H2BW2: variants seen among roughly 807,000 people sequenced by gnomAD.
The protein encoded by H2BW2 is histone H2B type F-M.
Under a neutral mutation model 9.2 loss-of-function variants are expected in H2BW2, and 8 were observed. The ratio of observed to expected loss-of-function variants is 0.87; its 90% CI spans 0.51 to 1.57. H2BW2 has a LOEUF of 1.57. Among genes scored for constraint, H2BW2 ranks in the 40% most tolerant of loss-of-function variants. H2BW2 has a pLI of 0.00. For synonymous variants in H2BW2, 80 were observed against 56.8 expected, an observed-to-expected ratio of 1.41 and a Z score of -1.84; for missense variants, 193 against 137.3, an observed-to-expected ratio of 1.41 and a Z score of -2.03.
In H2BW2 at chrX:104,040,280, C is replaced by G; in HGVS notation, c.286C>G (p.Gln96Glu). 1 of 1,196,820 alleles carries G rather than the reference C, an allele frequency of 8.4e-7. No individual in the cohort carries two copies. Among genetic ancestry groups the G allele is most frequent in the Non-Finnish European group, 1.1e-6 (1 of 887,905 alleles). ...GGACCGCATCGCCACCGAGGCTGGT[C>G]AGCTGGCCCATTACACCAAGCGCGT... ...ILDRIATEAGQLAHYTKRVTI... is the reference protein window; with the variant it reads ...ILDRIATEAGELAHYTKRVTI... Residue 96 changes from glutamine (Q) to glutamate (E), a missense_variant, in exon 1 of 4, where the codon CAG (glutamine) becomes GAG (glutamate). Physicochemically the swap from Gln to Glu is conservative, Grantham distance 29. Coordinates refer to ENST00000675318, the MANE Select transcript of H2BW2 (RefSeq NM_001388464.1).
chrX:104,040,132 TGGGGACAGCTTC>T lies in H2BW2; in HGVS notation c.151_162del (p.Gly51_Phe54del), dbSNP rs781810435. ...CCCGCAGGCGCCACGCCAACCGCCG[TGGGGACAGCTTC>T]GGGGACAGCTTCACCCCCTATTTCC... On this transcript the variant is annotated inframe_deletion, in exon 1 of 4. Transcript: ENST00000675318. The T allele has an allele frequency of 4.8e-4, 562 of 1,176,461 alleles. 1 individual carries two copies. In the African/African-American group the frequency reaches 8.6e-3, roughly 18 times the overall value.
At position 104,040,336 on chromosome X, in the gene H2BW2, C is replaced by G; in HGVS notation, c.342C>G (p.Ala114=). The stretch of plus-strand genomic sequence containing the variant: ...TCACCTCCCGGGACATCCAGATGGC[C>G]GTGCGACTGCTGCTGCCGGGGAAGA... ...VTITSRDIQM[A]VRLLLPGKMG... The change falls in exon 1 of 4, where the codon GCC becomes GCG. Residue 114 remains alanine, a synonymous_variant. Transcript: ENST00000675318. 8.4e-7 allele frequency: 1 copy of G among 1,190,648 alleles called. No individual in the cohort carries two copies. The highest frequency in any genetic ancestry group is 2.3e-4 in the Middle Eastern group (1 of 4,311).
Position 104,040,044 on chromosome X carries a change from A to G in H2BW2, c.50A>G (p.Gln17Arg). Residue 17 changes from glutamine (Q) to arginine (R), a missense_variant, in exon 1 of 4, where the codon CAG becomes CGG. Gln to Arg is a conservative substitution (Grantham distance 43, BLOSUM62 1). Coordinates refer to ENST00000675318, the MANE Select transcript of H2BW2 (RefSeq NM_001388464.1). ...ACCTCGGAGGAAGGCCAGAGCATCC[A>G]GGAGCCCAAAGAGGCCAACTCCACG... is the stretch of plus-strand genomic sequence containing the variant. ...ETTSEEGQSI[Q>R]EPKEANSTKA... The G allele has an allele frequency of 8.6e-7, 1 of 1,167,017 alleles. No homozygotes were observed. Among genetic ancestry groups the G allele is most frequent in the Non-Finnish European group, 1.1e-6 (1 of 872,818 alleles).
In H2BW2 at chrX:104,040,347, T is replaced by A; in HGVS notation, c.353T>A (p.Leu118Gln). The A allele has an allele frequency of 2.5e-6, 3 of 1,187,167 alleles. No individual in the cohort carries two copies. Among genetic ancestry groups the A allele is most frequent in the Non-Finnish European group, 2.3e-6 (2 of 883,276 alleles). Reference protein sequence around the residue: ...SRDIQMAVRLLLPGKMGKLAE... With the variant: ...SRDIQMAVRLQLPGKMGKLAE... The stretch of plus-strand genomic sequence containing the variant: ...GACATCCAGATGGCCGTGCGACTGC[T>A]GCTGCCGGGGAAGATGGGCAAGCTC... The change falls in exon 1 of 4, where the codon CTG becomes CAG. Residue 118 changes from leucine to glutamine, a missense_variant. Leu to Gln is a moderately radical substitution (Grantham distance 113). Transcript: ENST00000675318.
At chrX:104,042,038 C>G (rs1425651282) in intron 3 of H2BW2, 74 bp from the exon 4 acceptor site, 2 of 112,309 alleles carry the variant, frequency 1.8e-5, no homozygotes, top group Admixed American at 1.9e-4. Context: ...CAGAGCTCCA[C>G]TTGGGATCCA....
intron 1 of H2BW2, 110 bp from the exon 2 acceptor site, chrX:104,040,718 C>T (rs1157732203): frequency 1.1e-5 from 6 of 521,889 alleles, no homozygotes; most frequent in Non-Finnish European, 1.4e-5. Flanking sequence ...CCCAAATGGC[C>T]GTTTTTCTTA....
chrX:104,041,629 C>T (rs1416550487), intron 3 of H2BW2: 2 of 111,710 alleles, frequency 1.8e-5, no homozygotes, highest in Non-Finnish European at 3.8e-5. Flanking sequence ...TTTCCAGTCG[C>T]CCGAGTATGT....
chrX:104,041,435 A>G lies in H2BW2; in HGVS notation c.*41+329A>G, dbSNP rs186101324. On this transcript the variant is annotated intron_variant, in intron 3 of 3. Transcript: ENST00000675318. ...ACATTGGCAACCATTAGTAGAAGTC[A>G]GATAAGGCTTATTTCCTCAAAAGAT... is the stretch of plus-strand genomic sequence containing the variant. 2.6e-5 allele frequency: 3 copies of G among 113,835 alleles called. No individual in the cohort carries two copies. In the East Asian group the frequency reaches 8.3e-4, roughly 32 times the overall value. 9.4% of individuals were successfully genotyped at this position (113,835 alleles called of 1,213,427 possible).
rs782464257 is a variant in H2BW2, at chrX:104,040,396, C to T, written c.402C>T (p.Ala134=). 5.2e-6 allele frequency: 6 copies of T among 1,147,670 alleles called. No individual in the cohort carries two copies. The highest frequency in any genetic ancestry group is 6.4e-5 in the East Asian group (2 of 31,142). The allele number at this position is 1,147,670 out of a possible 1,213,427, so 94.6% of individuals were successfully genotyped here. The change falls in exon 1 of 4, where the codon GCC becomes GCT. Residue 134 remains alanine, a synonymous_variant. Transcript: ENST00000675318. ...GKLAEAQGTN[A]ALRTSLCAIW... ...TCGCCGAGGCCCAGGGCACGAATGCCGCCCTCAGGTACACCAAAAGCAAGT... is the reference window on the plus strand; with the variant it reads ...TCGCCGAGGCCCAGGGCACGAATGCTGCCCTCAGGTACACCAAAAGCAAGT...
rs781981170 is a variant in H2BW2, at chrX:104,040,270, C to T, written c.276C>T (p.Thr92=). The T allele has an allele frequency of 6.4e-5, 76 of 1,193,846 alleles. No individual in the cohort carries two copies. Among genetic ancestry groups the T allele is most frequent in the South Asian group, 1.8e-5 (1 of 54,279 alleles). ...ATGACATATTGGACCGCATCGCCAC[C>T]GAGGCTGGTCAGCTGGCCCATTACA... The part of the protein sequence containing the change: ...MIHDILDRIA[T]EAGQLAHYTK... The change falls in exon 1 of 4, where the codon ACC becomes ACT. Residue 92 remains threonine (T), a synonymous_variant. Transcript: ENST00000675318.
At position 104,040,324 on chromosome X, in the gene H2BW2, C is replaced by T; in HGVS notation, c.330C>T (p.Asp110=). 8.4e-7 allele frequency: 1 copy of T among 1,195,359 alleles called. No individual in the cohort carries two copies. Among genetic ancestry groups the T allele is most frequent in the Non-Finnish European group, 1.1e-6 (1 of 887,646 alleles). The change falls in exon 1 of 4, where the codon GAC becomes GAT. Residue 110 remains aspartate (D), a synonymous_variant. Coordinates refer to ENST00000675318, the MANE Select transcript of H2BW2 (RefSeq NM_001388464.1). The part of the protein sequence containing the change: ...YTKRVTITSR[D]IQMAVRLLLP... The stretch of plus-strand genomic sequence containing the variant: ...AGCGCGTGACCATCACCTCCCGGGA[C>T]ATCCAGATGGCCGTGCGACTGCTGC...
At chrX:104,040,797 T>A (rs1556344186) in intron 1 of H2BW2, 31 bp from the exon 2 acceptor site, 1 of 653,760 alleles carries the variant, frequency 1.5e-6, no homozygotes, top group South Asian at 2.2e-5. Flanking sequence ...TCACTCTCAT[T>A]CTCCTACGAC....
chrX:104,040,344 T>G lies in H2BW2; in HGVS notation c.350T>G (p.Leu117Arg), dbSNP rs782603545. The G allele has an allele frequency of 1.6e-4, 185 of 1,186,578 alleles. No homozygotes were observed. The highest frequency in any genetic ancestry group is 4.6e-4 in the Middle Eastern group (2 of 4,306). ...CGGGACATCCAGATGGCCGTGCGAC[T>G]GCTGCTGCCGGGGAAGATGGGCAAG... The part of the protein sequence containing the change: ...TSRDIQMAVR[L>R]LLPGKMGKLA... Residue 117 changes from leucine to arginine, a missense_variant, in exon 1 of 4, where the codon CTG (leucine) becomes CGG (arginine). Physicochemically the swap from Leu to Arg is moderately radical, Grantham distance 102. Coordinates refer to ENST00000675318, the MANE Select transcript of H2BW2 (RefSeq NM_001388464.1).
At position 104,040,028 on chromosome X, in the gene H2BW2, G is replaced by A. The variant is rs782625080; in HGVS notation, c.34G>A (p.Glu12Lys). ...GGCTTCCTCTGAGACAACCTCGGAG[G>A]AAGGCCAGAGCATCCAGGAGCCCAA... ...AEASSETTSE[E>K]GQSIQEPKEA... The change falls in exon 1 of 4, where the codon GAA becomes AAA. Residue 12 changes from glutamate to lysine, a missense_variant. Transcript: ENST00000675318. The A allele has an allele frequency of 5.2e-5, 61 of 1,163,737 alleles. No individual in the cohort carries two copies. The highest frequency in any genetic ancestry group is 6.9e-5 in the Non-Finnish European group (60 of 871,901).
chrX:104,040,990 G>T lies in H2BW2; in HGVS notation c.*23-98G>T, dbSNP rs782808124. ...ATATATGGCTAAATAAAATTTTCAA[G>T]AATCCATTCGTTTTCCAGCTTCCCC... is the stretch of plus-strand genomic sequence containing the variant. On this transcript the variant is annotated intron_variant, in intron 2 of 3. Coordinates refer to ENST00000675318, the MANE Select transcript of H2BW2 (RefSeq NM_001388464.1). 27 of 806,637 alleles carry T rather than the reference G, an allele frequency of 3.3e-5. 1 individual carries two copies. In the South Asian group the frequency reaches 6.5e-4, roughly 20 times the overall value. 66.5% of individuals were successfully genotyped at this position (806,637 alleles called of 1,213,427 possible).
chrX:104,040,401 T>G lies in H2BW2; in HGVS notation c.407T>G (p.Leu136Arg). ...LAEAQGTNAALRTSLCAIWQQ... is the reference protein window; with the variant it reads ...LAEAQGTNAARRTSLCAIWQQ... ...GAGGCCCAGGGCACGAATGCCGCCC[T>G]CAGGTACACCAAAAGCAAGTGAGCT... The change falls in exon 1 of 4, where the codon CTC becomes CGC. Residue 136 changes from leucine to arginine, a missense_variant. Leu to Arg is a moderately radical substitution (Grantham distance 102). Coordinates refer to ENST00000675318, the MANE Select transcript of H2BW2 (RefSeq NM_001388464.1). The G allele has an allele frequency of 1.0e-5, 12 of 1,144,232 alleles. No homozygotes were observed. The highest frequency in any genetic ancestry group is 1.4e-5 in the Non-Finnish European group (12 of 861,444). 94.3% of individuals were successfully genotyped at this position (1,144,232 alleles called of 1,213,427 possible).
chrX:104,041,624 A>G (rs1437701642), intron 3 of H2BW2: 1 of 111,699 alleles, frequency 9.0e-6, no homozygotes, highest in Non-Finnish European at 1.9e-5. Context: ...ATTGATTTCC[A>G]GTCGCCCGAG....
chrX:104,041,179 A>C (rs1556344307), intron 3 of H2BW2, 73 bp downstream of exon 3: 1 of 275,439 alleles, frequency 3.6e-6, no homozygotes, highest in African/African-American at 2.8e-5. Flanking sequence ...ACAGCCAATG[A>C]GTGACCTGCA....
intron 1 of H2BW2, 64 bp downstream of exon 1, chrX:104,040,468 A>C (rs1385411640): frequency 1.0e-6 from 1 of 1,001,347 alleles, no homozygotes; most frequent in Non-Finnish European, 1.3e-6. Flanking sequence ...CAAAGGCTCT[A>C]TTCAGAACCA....
Sources: gnomAD v4.1 joint callset for allele counts on GRCh38, gnomAD v4.1.1 for gene constraint, MANE v1.5 for transcripts, NCBI Gene and HGNC (gene_info 2026-07-23, HGNC 2026-07-21) for gene names.